The following FAM83B variants were observed in gnomAD, a reference collection of about 807,000 sequenced individuals.
FAM83B encodes the protein scaffolding CK1 anchoring protein B, also known as protein FAM83B.
A neutral mutation model predicts 38.8 loss-of-function variants in FAM83B; 26 were observed. The observed-to-expected ratio is 0.67, with a 90% CI of 0.49 to 0.93. The LOEUF is 0.93. FAM83B is among the 40% of genes least tolerant of loss of function. The pLI, the probability that FAM83B is intolerant of heterozygous loss-of-function variation, is 0.00. For synonymous variants in FAM83B, 419 were observed against 423.1 expected (o/e 0.99, Z 0.12); for missense variants, 1,237 against 1,197.3 (o/e 1.03, Z -0.49).
intron 1 of FAM83B, among the ~76,000 whole-genome samples, chr6:54,858,296 C>A (rs1046340191): frequency 1.3e-5 from 2 of 152,284 alleles, no homozygotes; most frequent in East Asian, 3.9e-4. Context: ...CCCCACCTAT[C>A]CGACATTTTC....
chr6:54,858,541 T>A (rs1308049817), intron 1 of FAM83B, among the ~76,000 whole-genome samples: 1 of 151,556 alleles, frequency 6.6e-6, no homozygotes, highest in South Asian at 2.1e-4. Context: ...GAAATATACA[T>A]AACCATAATT....
chr6:54,860,828 A>G (rs1011345955), intron 1 of FAM83B, among the ~76,000 whole-genome samples: 4 of 152,228 alleles, frequency 2.6e-5, no homozygotes, highest in African/African-American at 7.2e-5. Flanking sequence ...ATCTAAAACT[A>G]TAAAGCTGCG....
rs986878303 is a variant in FAM83B, at chr6:54,942,141, T to C, written c.*134T>C. 32 of 866,414 alleles carry C rather than the reference T, an allele frequency of 3.7e-5. No homozygotes were observed. Among genetic ancestry groups the C allele is most frequent in the Admixed American group, 3.2e-5 (1 of 31,446 alleles). The allele number at this position is 866,414 out of a possible 1,614,324, so 53.7% of individuals were successfully genotyped here. ...ATGTATATGTTCACCAGTGTCCTAG[T>C]ATAAAGTTATTTTTCTGTGTGATAA... On this transcript the variant is annotated 3_prime_UTR_variant, in exon 5 of 5. Transcript: ENST00000306858.
chr6:54,881,076 A>G (rs1038223857), intron 2 of FAM83B, among the ~76,000 whole-genome samples: 2 of 152,214 alleles, frequency 1.3e-5, no homozygotes, highest in African/African-American at 2.4e-5. Flanking sequence ...TCTTGTACTG[A>G]AATGCAATGG....
intron 2 of FAM83B, among the ~76,000 whole-genome samples, chr6:54,910,409 T>A (rs536556340): frequency 9.2e-5 from 14 of 152,334 alleles, no homozygotes; most frequent in Admixed American, 9.1e-4. Flanking sequence ...TGTTCCCGCC[T>A]CTACCGGATC....
chr6:54,873,542 T>C (rs903645133), intron 2 of FAM83B, among the ~76,000 whole-genome samples: 9 of 152,148 alleles, frequency 5.9e-5, no homozygotes, highest in Admixed American at 1.3e-4. Context: ...GGGAGCCTAA[T>C]AGTCATCAGG....
chr6:54,895,841 A>T (rs919473076), intron 2 of FAM83B, among the ~76,000 whole-genome samples: 2 of 151,830 alleles, frequency 1.3e-5, no homozygotes, highest in Admixed American at 1.3e-4. Flanking sequence ...CCCAGGTTCA[A>T]GTGATTCTCC....
In FAM83B at chr6:54,941,755, A is replaced by G. The variant is rs770453539; in HGVS notation, c.2784A>G (p.Ser928=). The G allele has an allele frequency of 3.1e-6, 5 of 1,614,012 alleles. No homozygotes were observed. The highest frequency in any genetic ancestry group is 4.2e-6 in the Non-Finnish European group (5 of 1,180,024). The stretch of plus-strand genomic sequence containing the variant: ...CCAGTGAGCTTCTACGATCTCATTC[A>G]ACTGATCGGCGTGTTTACAGTCGTT... ...PTSSELLRSH[S]TDRRVYSRFE... The change falls in exon 5 of 5, where the codon TCA becomes TCG. Residue 928 remains serine, a synonymous_variant. Coordinates refer to ENST00000306858, the MANE Select transcript of FAM83B (RefSeq NM_001010872.3).
intron 2 of FAM83B, among the ~76,000 whole-genome samples, chr6:54,909,664 C>T (rs1002445635): frequency 1.3e-5 from 2 of 152,120 alleles, no homozygotes; most frequent in African/African-American, 4.8e-5. Flanking sequence ...CTTAGGTCCA[C>T]ACCTACCCTC....
At chr6:54,880,446 T>C (rs1447306935) in intron 2 of FAM83B, among the ~76,000 whole-genome samples, 3 of 144,172 alleles carry the variant, frequency 2.1e-5, no homozygotes, top group Admixed American at 6.9e-5. Flanking sequence ...GGTTTCTTTT[T>C]TTTTTTTTTT....
chr6:54,918,881 C>T (rs892636892), intron 2 of FAM83B, among the ~76,000 whole-genome samples: 1 of 152,132 alleles, frequency 6.6e-6, no homozygotes, highest in Non-Finnish European at 1.5e-5. Flanking sequence ...TAACTCCCCG[C>T]AGAGCTTCCT....
At chr6:54,861,984 T>C (rs1475964097) in intron 1 of FAM83B, among the ~76,000 whole-genome samples, 1 of 152,164 alleles carries the variant, frequency 6.6e-6, no homozygotes, top group African/African-American at 2.4e-5. Context: ...TCTAGAGTCT[T>C]GGAAAGTTTC....
At chr6:54,898,296 G>GC (rs1282441854) in intron 2 of FAM83B, among the ~76,000 whole-genome samples, 1 of 152,056 alleles carries the variant, frequency 6.6e-6, no homozygotes, top group Non-Finnish European at 1.5e-5. Context: ...TTCCCTGTTA[G>GC]CCCCCCAGCA....
In FAM83B at chr6:54,927,490, A is replaced by C; in HGVS notation, c.610-18A>C. 2.6e-6 allele frequency: 4 copies of C among 1,548,968 alleles called. No individual in the cohort carries two copies. The highest frequency in any genetic ancestry group is 3.5e-6 in the Non-Finnish European group (4 of 1,143,050). On this transcript the variant is annotated intron_variant, in intron 3 of 4. Coordinates refer to ENST00000306858, the MANE Select transcript of FAM83B (RefSeq NM_001010872.3). Reference sequence around the variant, plus strand: ...TTCCTAGCCATAATGTCTGCTTTTTATTTACATATAATTCTAGAATATTCG... The same window carrying C: ...TTCCTAGCCATAATGTCTGCTTTTTCTTTACATATAATTCTAGAATATTCG...
At position 54,870,310 on chromosome 6, in the gene FAM83B, C is replaced by A. The variant is rs1194766848; in HGVS notation, c.64C>A (p.Pro22Thr). ...GTGTAAATCTGACAACTACATTGAG[C>A]CTCACTACAAGGAATGGTATCGAGT... ...DECKSDNYIEPHYKEWYRVAI... is the reference protein window; with the variant it reads ...DECKSDNYIETHYKEWYRVAI... Residue 22 changes from proline (P) to threonine (T), a missense_variant, in exon 2 of 5, where the codon CCT becomes ACT. Transcript: ENST00000306858. The A allele has an allele frequency of 5.0e-6, 8 of 1,613,866 alleles. No individual in the cohort carries two copies. Among genetic ancestry groups the A allele is most frequent in the Non-Finnish European group, 6.8e-6 (8 of 1,179,860 alleles).
intron 2 of FAM83B, among the ~76,000 whole-genome samples, chr6:54,921,515 T>C (rs1362418576): frequency 2.0e-5 from 3 of 151,914 alleles, no homozygotes; most frequent in African/African-American, 7.2e-5. Flanking sequence ...GTTCTGAAAG[T>C]TTTCTAAGTC....
intron 1 of FAM83B, among the ~76,000 whole-genome samples, chr6:54,850,759 A>T (rs1476587733): frequency 6.6e-6 from 1 of 152,132 alleles, no homozygotes; most frequent in Non-Finnish European, 1.5e-5. Flanking sequence ...AGTGGCTCAC[A>T]CGTGTAATCC....
chr6:54,901,361 AAAC>A (rs1034823191), intron 2 of FAM83B, among the ~76,000 whole-genome samples: 2 of 152,212 alleles, frequency 1.3e-5, no homozygotes, highest in Non-Finnish European at 2.9e-5. Flanking sequence ...CGATTTAAAA[AAAC>A]AACAACACTG....
At chr6:54,869,431 C>T (rs1771791620) in intron 1 of FAM83B, among the ~76,000 whole-genome samples, 1 of 152,100 alleles carries the variant, frequency 6.6e-6, no homozygotes, top group Admixed American at 6.6e-5. Flanking sequence ...TCAATTTTAT[C>T]TCTTACTCCT....
Sources: gnomAD v4.1 joint callset for allele counts (sites outside exome capture counted in the v4.1 genomes callset) on GRCh38, gnomAD v4.1.1 for gene constraint, MANE v1.5 for transcripts, NCBI Gene and HGNC (gene_info 2026-07-23, HGNC 2026-07-21) for gene names.